Variants in TST observed in about 807,000 individuals in gnomAD.
The protein encoded by TST is epididymis secretory sperm binding protein.
TST carries 22 observed loss-of-function variants against 20.4 expected under a neutral mutation model. The ratio of observed to expected loss-of-function variants is 1.08; its 90% CI spans 0.77 to 1.54. The LOEUF (loss-of-function observed/expected upper bound fraction) is 1.54. Among genes scored for constraint, TST ranks in the 40% most tolerant of loss-of-function variants. The pLI is 0.00. For synonymous variants in TST, 187 were observed against 173.8 expected, an observed-to-expected ratio of 1.08 and a Z score of -0.60; for missense variants, 392 against 405.2, an observed-to-expected ratio of 0.97 and a Z score of 0.28.
At position 37,010,984 on chromosome 22, in the gene TST, C is replaced by G; in HGVS notation, c.*43G>C. On this transcript the variant is annotated 3_prime_UTR_variant, in exon 3 of 3. Transcript: ENST00000249042. ...AAGAACCGGCTGTAAGTCATGGGGTCACTAAACCGGCCGCAGTTACAGTAA... is the reference window on the plus strand; with the variant it reads ...AAGAACCGGCTGTAAGTCATGGGGTGACTAAACCGGCCGCAGTTACAGTAA... The G allele has an allele frequency of 6.4e-7, 1 of 1,573,862 alleles. No individual in the cohort carries two copies.
chr22:37,017,376 G>A (rs1361085934), intron 2 of TST, among the ~76,000 whole-genome samples: 1 of 152,176 alleles, frequency 6.6e-6, no homozygotes, highest in Non-Finnish European at 1.5e-5. Context: ...TCCTGGCCCT[G>A]GGAAGTAGGG....
chr22:37,012,943 G>A (rs983756031), intron 2 of TST, among the ~76,000 whole-genome samples: 1 of 152,148 alleles, frequency 6.6e-6, no homozygotes, highest in Non-Finnish European at 1.5e-5. Context: ...TCGGGAGGCT[G>A]AGGGAGGAGA....
At position 37,018,654 on chromosome 22, in the gene TST, GC is replaced by G; in HGVS notation, c.78del (p.Gly28AlafsTer34). ...GACGCGTCCAGCACCCGCAGGCCGG[GC>G]CCCAGCTTGCCAGTCCTGATGGACT... ...LAESIRTGKLGPGLRVLDASW... is the reference protein window; with the variant it reads ...LAESIRTGKLXPGLRVLDASW... On this transcript the variant is annotated frameshift_variant, in exon 2 of 3. Coordinates refer to ENST00000249042, the MANE Select transcript of TST (RefSeq NM_003312.6). LOFTEE classifies it high-confidence loss of function. 1.3e-6 allele frequency: 2 copies of G among 1,559,002 alleles called. No homozygotes were observed. Among genetic ancestry groups the G allele is most frequent in the Non-Finnish European group, 1.7e-6 (2 of 1,152,504 alleles).
intron 2 of TST, among the ~76,000 whole-genome samples, chr22:37,011,788 G>C (rs1922488828): frequency 6.6e-6 from 1 of 152,232 alleles, no homozygotes; most frequent in Non-Finnish European, 1.5e-5. Flanking sequence ...CCCTCTGGGA[G>C]ATTCCAGTCT....
At chr22:37,016,139 G>T (rs943088459) in intron 2 of TST, among the ~76,000 whole-genome samples, 3 of 151,548 alleles carry the variant, frequency 2.0e-5, no homozygotes, top group Non-Finnish European at 4.4e-5. Context: ...TAGCGACGGG[G>T]TTTCACCATG....
chr22:37,016,512 C>T (rs2145899305), intron 2 of TST, among the ~76,000 whole-genome samples: 1 of 152,262 alleles, frequency 6.6e-6, no homozygotes, highest in East Asian at 1.9e-4. Flanking sequence ...TCCTCTGAGC[C>T]TCAGTTTCCT....
chr22:37,015,344 G>A (rs1316291442), intron 2 of TST, among the ~76,000 whole-genome samples: 2 of 152,252 alleles, frequency 1.3e-5, no homozygotes, highest in Non-Finnish European at 1.5e-5. Context: ...CAAGAAGGGA[G>A]GCAAAGAAAA....
rs1304109584 is a variant in TST, at chr22:37,018,594, C to A, written c.139G>T (p.Glu47Ter). The change falls in exon 2 of 3, where the codon GAG becomes TAG. Residue 47 changes from glutamate (E) to a stop codon, truncating the protein, a stop_gained. Transcript: ENST00000249042. LOFTEE classifies it high-confidence loss of function. ...CCGGGTACGTGGCGCTCGAGGTACT[C>A]CTTGCGGGCCTCTCGGGTGCCTGGT... ...YSPGTREARK[E>*]YLERHVPGAS... The A allele has an allele frequency of 8.3e-6, 13 of 1,563,802 alleles. No individual in the cohort carries two copies. Among genetic ancestry groups the A allele is most frequent in the African/African-American group, 4.1e-5 (3 of 73,754 alleles).
Position 37,011,230 on chromosome 22 carries a change from C to T in TST, c.691G>A (p.Ala231Thr). The change falls in exon 3 of 3, where the codon GCT becomes ACT. Residue 231 changes from alanine (A) to threonine (T), a missense_variant. Coordinates refer to ENST00000249042, the MANE Select transcript of TST (RefSeq NM_003312.6). ...GFEKGPEELR[A>T]LFQTKKVDLS... ...TCCACCTTCTTGGTCTGGAACAGAGCACGGAGCTCTTCTGGGCCCTTCTCG... is the reference window on the plus strand; with the variant it reads ...TCCACCTTCTTGGTCTGGAACAGAGTACGGAGCTCTTCTGGGCCCTTCTCG... 3 of 1,614,022 alleles carry T rather than the reference C, an allele frequency of 1.9e-6. No homozygotes were observed. The highest frequency in any genetic ancestry group is 2.5e-6 in the Non-Finnish European group (3 of 1,180,040).
chr22:37,017,628 A>ACAGACAG (rs58637593), intron 2 of TST, among the ~76,000 whole-genome samples: 1 of 151,494 alleles, frequency 6.6e-6, no homozygotes, highest in Non-Finnish European at 1.5e-5. Flanking sequence ...AGGTTATGGA[A>ACAGACAG]CCTTTGCAAA....
chr22:37,011,459 A>T, intron 2 of TST, 134 bp from the exon 3 acceptor site: 1 of 1,005,392 alleles, frequency 9.9e-7, no homozygotes, highest in Non-Finnish European at 1.4e-6. Context: ...CTCTGCTTGG[A>T]GCTCAATTTA....
At chr22:37,014,123 G>T (rs1922582765) in intron 2 of TST, among the ~76,000 whole-genome samples, 1 of 152,216 alleles carries the variant, frequency 6.6e-6, no homozygotes, top group African/African-American at 2.4e-5. Context: ...AGTACTTTGG[G>T]AGGCCGAGGT....
Position 37,018,123 on chromosome 22 carries a change from C to A in TST, c.595+15G>T, listed in dbSNP as rs2016349421. On this transcript the variant is annotated intron_variant, in intron 2 of 2. Transcript: ENST00000249042. ...GCAATACTCCCCAGGGACCACCCAG[C>A]ACTGGGACACCTACCTACTGCATCC... 1.3e-6 allele frequency: 2 copies of A among 1,526,396 alleles called. No individual in the cohort carries two copies. Among genetic ancestry groups the A allele is most frequent in the African/African-American group, 1.4e-5 (1 of 72,482 alleles). 94.6% of individuals were successfully genotyped at this position (1,526,396 alleles called of 1,614,324 possible).
rs1254396562 is a variant in TST, at chr22:37,018,667, A to G, written c.66T>C (p.Thr22=). 1 of 1,547,742 alleles carries G rather than the reference A, an allele frequency of 6.5e-7. No homozygotes were observed. The highest frequency in any genetic ancestry group is 8.7e-7 in the Non-Finnish European group (1 of 1,148,090). Residue 22 remains threonine, a synonymous_variant, in exon 2 of 3, where the codon ACT becomes ACC. Coordinates refer to ENST00000249042, the MANE Select transcript of TST (RefSeq NM_003312.6). Reference sequence around the variant, plus strand: ...CCCGCAGGCCGGGCCCCAGCTTGCCAGTCCTGATGGACTCCGCCAGCCACT... The same window carrying G: ...CCCGCAGGCCGGGCCCCAGCTTGCCGGTCCTGATGGACTCCGCCAGCCACT... ...STKWLAESIR[T]GKLGPGLRVL... is the part of the protein sequence containing the mutation.
chr22:37,016,293 G>A (rs138026026), intron 2 of TST, among the ~76,000 whole-genome samples: 42 of 152,074 alleles, frequency 2.8e-4, no homozygotes, highest in African/African-American at 7.2e-4. Flanking sequence ...TAGGGCTGGC[G>A]TGACTCTTCT....
In TST at chr22:37,018,365, G is replaced by C. The variant is rs1922785583; in HGVS notation, c.368C>G (p.Thr123Ser). The C allele has an allele frequency of 6.2e-7, 1 of 1,613,986 alleles. No individual in the cohort carries two copies. ...GAAGCCACCATTGAGCACTGATACG[G>C]TGCGGTGGCCAAACACACGGAACAT... ...WWMFRVFGHRTVSVLNGGFRN... is the reference protein window; with the variant it reads ...WWMFRVFGHRSVSVLNGGFRN... Residue 123 changes from threonine (T) to serine (S), a missense_variant, in exon 2 of 3, where the codon ACC becomes AGC. By Grantham distance (58) the Thr-to-Ser change is moderately conservative (BLOSUM62 1). Coordinates refer to ENST00000249042, the MANE Select transcript of TST (RefSeq NM_003312.6).
chr22:37,019,706 G>A (rs889337197), upstream of TST: 13 of 404,746 alleles, frequency 3.2e-5, no homozygotes, highest in African/African-American at 4.1e-5. Flanking sequence ...GGAAGGCGCG[G>A]GCAGCAGCGG....
Position 37,018,521 on chromosome 22 carries a change from T to C in TST, c.212A>G (p.Tyr71Cys). 6.3e-7 allele frequency: 1 copy of C among 1,595,292 alleles called. No homozygotes were observed. Among genetic ancestry groups the C allele is most frequent in the Middle Eastern group, 1.7e-4 (1 of 6,024 alleles). ...IEECRDTASP[Y>C]EMMLPSEAGF... ...AGCCTCGCTGGGCAGCATCATCTCG[T>C]AGGGCGACGCCGTGTCCCGGCACTC... Residue 71 changes from tyrosine to cysteine, a missense_variant, in exon 2 of 3, where the codon TAC becomes TGC. Coordinates refer to ENST00000249042, the MANE Select transcript of TST (RefSeq NM_003312.6).
rs1463574457 is a variant in TST, at chr22:37,018,154, C to T, written c.579G>A (p.Pro193=). Residue 193 remains proline (P), a synonymous_variant, in exon 2 of 3, where the codon CCG becomes CCA. Coordinates refer to ENST00000249042, the MANE Select transcript of TST (RefSeq NM_003312.6). ...RSQGRFLGTE[P]EPDAVGLDSG... Reference sequence around the variant, plus strand: ...GACACCTACCTACTGCATCCGGCTCCGGCTCGGTGCCCAGGAACCGCCCTT... The same window carrying T: ...GACACCTACCTACTGCATCCGGCTCTGGCTCGGTGCCCAGGAACCGCCCTT... 1.0e-5 allele frequency: 16 copies of T among 1,558,502 alleles called. No homozygotes were observed. Among genetic ancestry groups the T allele is most frequent in the Admixed American group, 1.8e-5 (1 of 54,620 alleles).
Sources: gnomAD v4.1 joint callset for allele counts (sites outside exome capture counted in the v4.1 genomes callset) on GRCh38, gnomAD v4.1.1 for gene constraint, MANE v1.5 for transcripts, NCBI Gene and HGNC (gene_info 2026-07-23, HGNC 2026-07-21) for gene names.